Variants in PDE4B observed in about 807,000 individuals in gnomAD.
PDE4B encodes the protein phosphodiesterase 4B.
Under a neutral mutation model 82.2 loss-of-function variants are expected in PDE4B, and 20 were observed. That is an observed-to-expected ratio of 0.24 (90% CI 0.17 to 0.35). The LOEUF (loss-of-function observed/expected upper bound fraction) is 0.35. Among genes scored for constraint, PDE4B ranks in the 10% least tolerant of loss-of-function variants. PDE4B has a pLI of 1.00. For missense variants in PDE4B, 655 were observed against 907.2 expected (o/e 0.72, Z 3.57); for synonymous variants, 320 against 318.9 (o/e 1.00, Z -0.04).
At chr1:66,154,193 A>T (rs1646457542) in intron 3 of PDE4B, among the ~76,000 whole-genome samples, 1 of 152,036 alleles carries the variant, frequency 6.6e-6, no homozygotes, top group African/African-American at 2.4e-5. Context: ...TTATCCTCTA[A>T]TTCTTATCTG....
At chr1:66,093,250 G>T (rs2100998320) in intron 3 of PDE4B, among the ~76,000 whole-genome samples, 1 of 152,076 alleles carries the variant, frequency 6.6e-6, no homozygotes, top group East Asian at 1.9e-4. Flanking sequence ...ATGGTAATGG[G>T]GTGGGGTGGA....
intron 3 of PDE4B, among the ~76,000 whole-genome samples, chr1:66,046,842 A>T (rs1246483901): frequency 6.6e-6 from 1 of 151,834 alleles, no homozygotes; most frequent in African/African-American, 2.4e-5. Context: ...TGAATAGAAT[A>T]TCCTCCAATA....
chr1:65,883,112 T>C (rs1269346917), intron 1 of PDE4B, among the ~76,000 whole-genome samples: 4 of 152,198 alleles, frequency 2.6e-5, no homozygotes, highest in Non-Finnish European at 5.9e-5. Context: ...ACTCCTGTTA[T>C]GAAAATGCTT....
intron 3 of PDE4B, among the ~76,000 whole-genome samples, chr1:66,235,871 G>A (rs1326824349): frequency 6.6e-6 from 1 of 152,214 alleles, no homozygotes; most frequent in Non-Finnish European, 1.5e-5. Flanking sequence ...TCAGAGAGCA[G>A]CATTCCACAG....
At chr1:66,178,630 T>C (rs1336182052) in intron 3 of PDE4B, among the ~76,000 whole-genome samples, 1 of 152,200 alleles carries the variant, frequency 6.6e-6, no homozygotes, top group Non-Finnish European at 1.5e-5. Flanking sequence ...TGCTCTTAAC[T>C]AAAAAGATTT....
chr1:66,026,690 A>G (rs997359005), intron 3 of PDE4B, among the ~76,000 whole-genome samples: 15 of 152,244 alleles, frequency 9.9e-5, no homozygotes, highest in Non-Finnish European at 1.9e-4. Context: ...TGTGCCTGGT[A>G]TATAGTGTGT....
chr1:65,987,982 A>G (rs768471109), intron 3 of PDE4B, among the ~76,000 whole-genome samples: 30 of 152,208 alleles, frequency 2.0e-4, no homozygotes, highest in Non-Finnish European at 3.7e-4. Flanking sequence ...TGGTCTACAA[A>G]TATTTATTGA....
chr1:65,863,002 T>G (rs918643905), intron 1 of PDE4B, among the ~76,000 whole-genome samples: 3 of 152,186 alleles, frequency 2.0e-5, no homozygotes, highest in African/African-American at 7.2e-5. Context: ...AACCAGCTCC[T>G]GGATTCATTG....
At chr1:65,801,743 G>A (rs1570948966) in intron 1 of PDE4B, among the ~76,000 whole-genome samples, 1 of 152,156 alleles carries the variant, frequency 6.6e-6, no homozygotes, top group Non-Finnish European at 1.5e-5. Context: ...TACAGCTGAA[G>A]AATACCAATG....
At chr1:66,234,252 C>A (rs1011645221) in intron 3 of PDE4B, among the ~76,000 whole-genome samples, 6 of 152,134 alleles carry the variant, frequency 3.9e-5, no homozygotes, top group Admixed American at 3.3e-4. Context: ...ACAAGGAATT[C>A]GTCCACTTCA....
intron 12 of PDE4B, 54 bp downstream of exon 12, chr1:66,363,625 A>G: frequency 6.9e-7 from 1 of 1,456,522 alleles, no homozygotes; most frequent in South Asian, 1.2e-5. Flanking sequence ...CAAAAATGCC[A>G]TATCAGCTGG....
At chr1:65,874,431 C>G (rs4253893) in intron 1 of PDE4B, among the ~76,000 whole-genome samples, 25,738 of 152,090 alleles carry the variant, frequency 0.17, 2,805 homozygotes, top group South Asian at 0.38. Context: ...CCTAATTGCC[C>G]TGGCCAGAAC....
chr1:66,019,000 T>C lies in PDE4B; in HGVS notation c.281+100165T>C, dbSNP rs944529957. Among the ~76,000 whole-genome samples the C allele has an allele frequency of 9.2e-5, 14 of 152,230 alleles. 1 individual carries two copies. Among genetic ancestry groups the C allele is most frequent in the African/African-American group, 3.1e-4 (13 of 41,472 alleles). ...TTACTTTTTGCTGCTTTTGGGTTAATTATGCACTTAAATAAATGGATAGAG... is the reference window on the plus strand; with the variant it reads ...TTACTTTTTGCTGCTTTTGGGTTAACTATGCACTTAAATAAATGGATAGAG... On this transcript the variant is annotated intron_variant, in intron 3 of 16. Transcript: ENST00000341517.
At chr1:65,992,520 A>AT (rs1009129689) in intron 3 of PDE4B, 21 of 164,956 alleles carry the variant, frequency 1.3e-4, no homozygotes, top group East Asian at 1.9e-4. Flanking sequence ...GTTTAATAAG[A>AT]TTTTTTTTAA....
chr1:66,036,646 T>C (rs1269071693), intron 3 of PDE4B, among the ~76,000 whole-genome samples: 1 of 152,184 alleles, frequency 6.6e-6, no homozygotes, highest in Non-Finnish European at 1.5e-5. Flanking sequence ...TGGGTTTATT[T>C]CTGTGCTCTC....
At chr1:66,232,238 C>T (rs578167780) in intron 3 of PDE4B, among the ~76,000 whole-genome samples, 56 of 152,306 alleles carry the variant, frequency 3.7e-4, no homozygotes, top group Non-Finnish European at 7.5e-4. Context: ...AGATTACCAG[C>T]AGAGCAGAGG....
At chr1:66,262,721 G>T (rs1162442864) in intron 6 of PDE4B, among the ~76,000 whole-genome samples, 4 of 152,102 alleles carry the variant, frequency 2.6e-5, no homozygotes, top group African/African-American at 7.2e-5. Context: ...CCTCTTCTTT[G>T]CACCAGGTCT....
intron 3 of PDE4B, among the ~76,000 whole-genome samples, chr1:65,928,398 C>A (rs1647639544): frequency 6.6e-6 from 1 of 152,188 alleles, no homozygotes; most frequent in Admixed American, 6.5e-5. Context: ...ATTAATTAGC[C>A]AATGCCATAA....
Position 66,222,290 on chromosome 1 carries a change from T to C in PDE4B, c.282-25170T>C, listed in dbSNP as rs1012570910. 8.9e-4 allele frequency among the ~76,000 whole-genome samples: 136 copies of C among 152,342 alleles called. 1 individual carries two copies. The highest frequency in any genetic ancestry group is 3.1e-3 in the African/African-American group (130 of 41,582). ...TTATATTTCATTGGCCAGGACTTAA[T>C]CACATGGCTACACTAGTTCAAGGGT... On this transcript the variant is annotated intron_variant, in intron 3 of 16. Transcript: ENST00000341517.
Sources: gnomAD v4.1 joint callset for allele counts (sites outside exome capture counted in the v4.1 genomes callset) on GRCh38, gnomAD v4.1.1 for gene constraint, MANE v1.5 for transcripts, NCBI Gene and HGNC (gene_info 2026-07-23, HGNC 2026-07-21) for gene names.